Variants in ORC3 observed in about 807,000 individuals in gnomAD.
ORC3 encodes the protein homolog of latheo, Drosophila.
In ORC3, 78 loss-of-function variants were observed where a neutral mutation model predicts 100.7. The observed-to-expected ratio is 0.77, with a 90% CI of 0.65 to 0.94. ORC3 has a LOEUF of 0.94. Ranked by LOEUF, ORC3 falls within the 40% of genes least tolerant of loss-of-function variation. The probability of loss-of-function intolerance (pLI) is 0.00; values close to 1 mark genes in which losing one functional copy is unlikely to be tolerated. For missense variants in ORC3, 789 were observed against 823.9 expected (o/e 0.96, Z 0.52); for synonymous variants, 295 against 289.3 (o/e 1.02, Z -0.20).
At chr6:87,659,646 C>T (rs1212282592) in intron 16 of ORC3, among the ~76,000 whole-genome samples, 2 of 151,930 alleles carry the variant, frequency 1.3e-5, no homozygotes, top group Non-Finnish European at 2.9e-5. Context: ...TCTTGGGAGG[C>T]CAAGGTGGGC....
chr6:87,645,843 TAA>T (rs1165518675), intron 13 of ORC3, among the ~76,000 whole-genome samples: 1 of 152,192 alleles, frequency 6.6e-6, no homozygotes, highest in Non-Finnish European at 1.5e-5. Context: ...AAAACTTTTT[TAA>T]AAAATGACAA....
In ORC3 at chr6:87,591,988, C is replaced by T. The variant is rs144600950; in HGVS notation, c.24+1796C>T. Among the ~76,000 whole-genome samples, 532 of 152,294 alleles carry T rather than the reference C, an allele frequency of 3.5e-3. 1 individual carries two copies. The highest frequency in any genetic ancestry group is 0.012 in the African/African-American group (496 of 41,546). On this transcript the variant is annotated intron_variant, in intron 1 of 19. Transcript: ENST00000392844. ...TCGAGTGATCCGCCAGCCTCGGCCT[C>T]CCAAAGTGCTAGGATTACAGGCGTG... is the stretch of plus-strand genomic sequence containing the variant.
intron 11 of ORC3, among the ~76,000 whole-genome samples, chr6:87,626,445 G>A (rs1779904716): frequency 6.6e-6 from 1 of 152,042 alleles, no homozygotes. Context: ...TCTCTTTGTA[G>A]TAATTGTGAA....
chr6:87,649,654 G>T (rs1456456498), intron 13 of ORC3, among the ~76,000 whole-genome samples: 1 of 152,166 alleles, frequency 6.6e-6, no homozygotes, highest in Non-Finnish European at 1.5e-5. Flanking sequence ...GCTGAGACAG[G>T]AGAATCGCCT....
In ORC3 at chr6:87,603,540, T is replaced by C. The variant is rs1778123818; in HGVS notation, c.322+12T>C. The C allele has an allele frequency of 6.9e-7, 1 of 1,457,002 alleles. No homozygotes were observed. Among genetic ancestry groups the C allele is most frequent in the African/African-American group, 1.4e-5 (1 of 72,090 alleles). 90.3% of individuals were successfully genotyped at this position (1,457,002 alleles called of 1,614,324 possible). A position where few individuals can be genotyped will look rare whatever the true frequency, so the allele number is the denominator to read the frequency against. ...TGCTCTTGTTCTTGGTATATATGCGTATGTTTGTTCATGCATGCATCTCTG... is the reference window on the plus strand; with the variant it reads ...TGCTCTTGTTCTTGGTATATATGCGCATGTTTGTTCATGCATGCATCTCTG... On this transcript the variant is annotated intron_variant, in intron 4 of 19. Transcript: ENST00000392844.
intron 16 of ORC3, among the ~76,000 whole-genome samples, chr6:87,660,242 G>T (rs144167552): frequency 2.1e-3 from 315 of 152,244 alleles, no homozygotes; most frequent in African/African-American, 7.3e-3. Flanking sequence ...AATGTGTTTT[G>T]TTGTAAAATC....
intron 13 of ORC3, among the ~76,000 whole-genome samples, chr6:87,648,578 C>T (rs560581439): frequency 6.6e-6 from 1 of 152,306 alleles, no homozygotes; most frequent in South Asian, 2.1e-4. Flanking sequence ...CCCAGCTTTG[C>T]CAATTACCAG....
chr6:87,630,672 T>A (rs932986569), intron 11 of ORC3, among the ~76,000 whole-genome samples: 1 of 152,268 alleles, frequency 6.6e-6, no homozygotes, highest in Admixed American at 6.5e-5. Flanking sequence ...TGAAGTTCCA[T>A]GTGCGTGGGA....
intron 7 of ORC3, chr6:87,609,474 GT>G: frequency 3.2e-6 from 1 of 311,136 alleles, no homozygotes; most frequent in Non-Finnish European, 5.8e-6. Flanking sequence ...ATTAAATATG[GT>G]TTTTCTCACC....
chr6:87,633,628 A>G (rs991161297), intron 11 of ORC3, among the ~76,000 whole-genome samples: 6 of 152,118 alleles, frequency 3.9e-5, no homozygotes, highest in African/African-American at 1.4e-4. Flanking sequence ...GAATTTATTG[A>G]TATCTGAGTT....
chr6:87,607,504 G>A (rs1778428063), intron 5 of ORC3, among the ~76,000 whole-genome samples, 169 bp from the exon 6 acceptor site: 1 of 151,918 alleles, frequency 6.6e-6, no homozygotes, highest in African/African-American at 2.4e-5. Context: ...GTACTAATGA[G>A]CATCAGTAGT....
At chr6:87,650,674 T>A (rs1408187358) in intron 13 of ORC3, among the ~76,000 whole-genome samples, 1 of 152,228 alleles carries the variant, frequency 6.6e-6, no homozygotes, top group Non-Finnish European at 1.5e-5. Context: ...AAGTGTAAGA[T>A]CTTTCTGCTC....
intron 13 of ORC3, among the ~76,000 whole-genome samples, chr6:87,637,075 CT>C (rs1394979682): frequency 6.6e-6 from 1 of 152,046 alleles, no homozygotes; most frequent in Non-Finnish European, 1.5e-5. Flanking sequence ...TGTATAGTTA[CT>C]TTTTAGTCTT....
intron 2 of ORC3, among the ~76,000 whole-genome samples, chr6:87,599,852 A>C (rs1777761846): frequency 6.6e-6 from 1 of 152,094 alleles, no homozygotes; most frequent in South Asian, 2.1e-4. Flanking sequence ...GGGCGCCTGT[A>C]GTCCCAGCTA....
downstream of ORC3, among the ~76,000 whole-genome samples, chr6:87,670,486 A>G (rs982302689): frequency 6.6e-6 from 1 of 152,044 alleles, no homozygotes; most frequent in African/African-American, 2.4e-5. Context: ...CTATTTTCAC[A>G]ATGAATACAC....
chr6:87,631,294 A>G (rs1356075376), intron 11 of ORC3, among the ~76,000 whole-genome samples: 1 of 152,202 alleles, frequency 6.6e-6, no homozygotes, highest in East Asian at 1.9e-4. Flanking sequence ...TTTTTAGTAA[A>G]TAATGCATAT....
the ORC3 span, among the ~76,000 whole-genome samples, chr6:87,677,131 T>C: frequency 6.6e-6 from 1 of 151,820 alleles, no homozygotes; most frequent in South Asian, 2.1e-4. Context: ...AAAAGACCTT[T>C]CTACTCTGAA....
At chr6:87,620,609 C>A (rs528376719) in intron 9 of ORC3, among the ~76,000 whole-genome samples, 1 of 152,120 alleles carries the variant, frequency 6.6e-6, no homozygotes, top group East Asian at 1.9e-4. Flanking sequence ...CCTGAAAATA[C>A]CAAACTGGTC....
chr6:87,630,253 C>T (rs144580754), intron 11 of ORC3, among the ~76,000 whole-genome samples: 204 of 152,020 alleles, frequency 1.3e-3, no homozygotes, highest in Non-Finnish European at 1.8e-3. Flanking sequence ...AAAAATTAGC[C>T]GGGTGTGGTG....
Sources: gnomAD v4.1 joint callset for allele counts (sites outside exome capture counted in the v4.1 genomes callset) on GRCh38, gnomAD v4.1.1 for gene constraint, MANE v1.5 for transcripts, NCBI Gene and HGNC (gene_info 2026-07-23, HGNC 2026-07-21) for gene names.